The following ITPR2 variants were observed in gnomAD, a reference collection of about 807,000 sequenced individuals.
ITPR2 encodes inositol 1,4,5-trisphosphate-gated calcium channel ITPR2.
A neutral mutation model predicts 317.1 loss-of-function variants in ITPR2; 207 were observed. The observed-to-expected ratio is 0.65, with a 90% confidence interval of 0.58 to 0.73. The LOEUF is 0.73. Ranked by LOEUF, ITPR2 falls within the 30% of genes least tolerant of loss-of-function variation. ITPR2 has a pLI of 0.00. For synonymous variants in ITPR2, 1,156 were observed against 1,149.1 expected (o/e 1.01, Z -0.12); for missense variants, 2,613 against 3,284.0 (o/e 0.80, Z 4.99).
chr12:26,344,627 G>A (rs1222726099), intron 55 of ITPR2, among the ~76,000 whole-genome samples: 1 of 148,334 alleles, frequency 6.7e-6, no homozygotes, highest in Non-Finnish European at 1.5e-5. Flanking sequence ...GGTGCCATTT[G>A]AGCCACAGAA....
chr12:26,743,163 C>A (rs1039202682), intron 2 of ITPR2, among the ~76,000 whole-genome samples: 1 of 152,030 alleles, frequency 6.6e-6, no homozygotes, highest in African/African-American at 2.4e-5. Context: ...TCAATAAAAA[C>A]CAGTTAAAGA....
chr12:26,489,626 T>C (rs955589554), intron 39 of ITPR2, among the ~76,000 whole-genome samples: 2 of 152,236 alleles, frequency 1.3e-5, no homozygotes, highest in African/African-American at 2.4e-5. Context: ...GCGCCTTATA[T>C]TTAGTAGGTA....
intron 45 of ITPR2, among the ~76,000 whole-genome samples, chr12:26,473,430 A>G (rs1290608038): frequency 6.6e-6 from 1 of 152,196 alleles, no homozygotes; most frequent in African/African-American, 2.4e-5. Flanking sequence ...CTACACAGTC[A>G]GGTTTTACTC....
chr12:26,567,952 ATATATATATATATATATTATATATAT>A (rs1224414218), intron 34 of ITPR2, among the ~76,000 whole-genome samples: 11 of 5,990 alleles, frequency 1.8e-3, no homozygotes, highest in African/African-American at 4.5e-3. Context: ...TATATATATT[ATATATATATATATATATTATATATAT>A]TATATATATA....
chr12:26,738,019 G>A (rs1001251822), intron 2 of ITPR2, among the ~76,000 whole-genome samples: 101 of 151,766 alleles, frequency 6.7e-4, no homozygotes, highest in African/African-American at 2.3e-3. Flanking sequence ...ACACACACAC[G>A]CACACACATA....
At chr12:26,794,810 G>A (rs113391843) in intron 1 of ITPR2, among the ~76,000 whole-genome samples, 2,338 of 152,306 alleles carry the variant, frequency 0.015, 59 homozygotes, top group African/African-American at 0.054. Flanking sequence ...GGAGATGACA[G>A]CTCAAGAGCA....
Position 26,339,124 on chromosome 12 carries a change from G to T in ITPR2, c.*273C>A. On this transcript the variant is annotated 3_prime_UTR_variant, in exon 57 of 57. Transcript: ENST00000381340. ...GTCTCCTTCCATCCTGCCGCTCCCT[G>T]CCCTCTCCAGCCTTTTGGGCAAGCC... is the stretch of plus-strand genomic sequence containing the variant. 1 of 354,490 alleles carries T rather than the reference G, an allele frequency of 2.8e-6. No homozygotes were observed. Among genetic ancestry groups the T allele is most frequent in the Non-Finnish European group, 5.2e-6 (1 of 193,500 alleles). 22.0% of individuals were successfully genotyped at this position (354,490 alleles called of 1,614,324 possible). A position where few individuals can be genotyped will look rare whatever the true frequency, so the allele number is the denominator to read the frequency against.
chr12:26,342,018 G>A lies in ITPR2; in HGVS notation c.7858-1690C>T, dbSNP rs181547641. 1.8e-4 allele frequency among the ~76,000 whole-genome samples: 28 copies of A among 152,320 alleles called. No individual in the cohort carries two copies. The South Asian group carries it at 1.9e-3, about 10-fold the overall frequency. On this transcript the variant is annotated intron_variant, in intron 55 of 56. Transcript: ENST00000381340. Reference sequence around the variant, plus strand: ...AGGGAAAGATCTGAAATAGGCATGTGGGGGAAGAGCAGAGGAAACCTAACA... The same window carrying A: ...AGGGAAAGATCTGAAATAGGCATGTAGGGGAAGAGCAGAGGAAACCTAACA...
intron 37 of ITPR2, among the ~76,000 whole-genome samples, chr12:26,515,661 A>C (rs1591846823): frequency 6.6e-6 from 1 of 152,142 alleles, no homozygotes; most frequent in African/African-American, 2.4e-5. Context: ...AGTACAGAGA[A>C]GCACTGAGAG....
rs766577618 is a variant in ITPR2, at chr12:26,573,586, T to TG, written c.4630+5126dup. On this transcript the variant is annotated intron_variant, in intron 34 of 56. Coordinates refer to ENST00000381340, the MANE Select transcript of ITPR2 (RefSeq NM_002223.4). The stretch of plus-strand genomic sequence containing the variant: ...AGCAGGAAGAAGCTGAGACACTGCA[T>TG]GGGGGGTGTTCTGGAATACTTCACT... Among the ~76,000 whole-genome samples, 4 of 151,976 alleles carry TG rather than the reference T, an allele frequency of 2.6e-5. 1 individual carries two copies. Among genetic ancestry groups the TG allele is most frequent in the East Asian group, 1.9e-4 (1 of 5,152 alleles).
At chr12:26,387,346 T>G (rs1261780430) in intron 55 of ITPR2, 88 bp downstream of exon 55, 1 of 1,236,438 alleles carries the variant, frequency 8.1e-7, no homozygotes, top group South Asian at 1.4e-5. Flanking sequence ...TGCTACAATC[T>G]TCATATTTTG....
At chr12:26,533,439 A>G (rs1051670304) in intron 37 of ITPR2, among the ~76,000 whole-genome samples, 5 of 152,256 alleles carry the variant, frequency 3.3e-5, no homozygotes, top group Non-Finnish European at 5.9e-5. Context: ...TGTCAGCAAA[A>G]TGCGCACAAG....
At chr12:26,645,759 A>G (rs1947099057) in intron 21 of ITPR2, among the ~76,000 whole-genome samples, 1 of 152,204 alleles carries the variant, frequency 6.6e-6, no homozygotes. Context: ...AGAGACCTGA[A>G]AAGAGCTCAG....
chr12:26,455,041 G>A (rs560482590), intron 45 of ITPR2, among the ~76,000 whole-genome samples: 1 of 152,072 alleles, frequency 6.6e-6, no homozygotes, highest in South Asian at 2.1e-4. Flanking sequence ...TCTTGACAAA[G>A]CCACTTTAAA....
chr12:26,544,871 C>T (rs1346350838), intron 37 of ITPR2, among the ~76,000 whole-genome samples: 3 of 152,070 alleles, frequency 2.0e-5, no homozygotes, highest in African/African-American at 4.8e-5. Context: ...TGTGACTTAA[C>T]GCAATTCACT....
intron 37 of ITPR2, among the ~76,000 whole-genome samples, chr12:26,516,280 G>GGGAAA (rs1943503195): frequency 2.2e-5 from 1 of 45,212 alleles, no homozygotes. Flanking sequence ...AGGAAGGGAA[G>GGGAAA]GGAAGGGAAA....
At chr12:26,474,052 G>A (rs1044346613) in intron 45 of ITPR2, among the ~76,000 whole-genome samples, 4 of 152,142 alleles carry the variant, frequency 2.6e-5, no homozygotes, top group Admixed American at 2.0e-4. Flanking sequence ...TTTAGAATCT[G>A]ACTCCTTCCT....
At chr12:26,655,994 G>A in intron 19 of ITPR2, 142 bp from the exon 20 acceptor site, 5 of 816,998 alleles carry the variant, frequency 6.1e-6, no homozygotes, top group Non-Finnish European at 9.6e-6. Flanking sequence ...CTGTAAAATG[G>A]GGCTATTGTG....
chr12:26,653,241 CT>C (rs774729786), intron 21 of ITPR2, among the ~76,000 whole-genome samples: 20,182 of 103,478 alleles, frequency 0.2, 835 homozygotes, highest in Middle Eastern at 0.25. Flanking sequence ...TTGAATCTTT[CT>C]TTTTTTTTTT....
Sources: allele counts gnomAD v4.1 joint callset (sites outside exome capture counted in the v4.1 genomes callset), GRCh38; gene constraint gnomAD v4.1.1; transcripts MANE v1.5; gene names NCBI Gene and HGNC (gene_info 2026-07-23, HGNC 2026-07-21).